ZNF268: variants seen among roughly 807,000 people sequenced by gnomAD.
The protein encoded by ZNF268 is zinc finger protein 3.
Under a neutral mutation model 29.3 loss-of-function variants are expected in ZNF268, and 20 were observed. The ratio of observed to expected loss-of-function variants is 0.68; its 90% confidence interval spans 0.48 to 0.99. ZNF268 has a LOEUF of 0.99. Ranked by LOEUF, ZNF268 falls within the 50% of genes least tolerant of loss-of-function variation. The probability of loss-of-function intolerance (pLI) is 0.00; values close to 1 mark genes in which losing one functional copy is unlikely to be tolerated. For synonymous variants in ZNF268, 429 were observed against 376.9 expected, an observed-to-expected ratio of 1.14 and a Z score of -1.60; for missense variants, 1,240 against 1,121.6, an observed-to-expected ratio of 1.11 and a Z score of -1.51.
intron 5 of ZNF268, 27 bp from the exon 6 acceptor site, chr12:133,202,117 C>T (rs1566379892): frequency 4.6e-6 from 7 of 1,516,866 alleles, no homozygotes; most frequent in Non-Finnish European, 6.2e-6. Context: ...TGATTTATAA[C>T]ATGTGACCAA....
chr12:133,202,549 A>G lies in ZNF268; in HGVS notation c.863A>G (p.Lys288Arg), dbSNP rs1183503323. The G allele has an allele frequency of 5.0e-6, 8 of 1,611,268 alleles. No homozygotes were observed. The highest frequency in any genetic ancestry group is 6.8e-6 in the Non-Finnish European group (8 of 1,178,626). ...TGTTGTGAGAAAGCCTTCAGCAGCA[A>G]GTCATACCTTCTAGTGCATCAGCAA... is the stretch of plus-strand genomic sequence containing the variant. ...CSCCEKAFSS[K>R]SYLLVHQQTH... Residue 288 changes from lysine to arginine, a missense_variant, in exon 6 of 6, where the codon AAG becomes AGG. Around this residue, in one of 3 missense-constraint regions of ZNF268, gnomAD observed 1,177 missense variants for 1,039.6 expected, o/e 1.13. Transcript: ENST00000536435.
chr12:133,192,067 G>A, intron 5 of ZNF268, 64 bp downstream of exon 5: 2 of 1,358,982 alleles, frequency 1.5e-6, no homozygotes, highest in Non-Finnish European at 2.1e-6. Context: ...AATGTGATGT[G>A]CTCCTCTTGT....
chr12:133,204,454 C>A lies in ZNF268; in HGVS notation c.2768C>A (p.Thr923Asn), dbSNP rs754904572. The stretch of plus-strand genomic sequence containing the variant: ...ACAGGAGAGAAGCCTTGTAAGTGCA[C>A]TGAATGTGGGAAAGCCTTTTGTTGG... ...THTGEKPCKCTECGKAFCWKS... is the reference protein window; with the variant it reads ...THTGEKPCKCNECGKAFCWKS... The change falls in exon 6 of 6, where the codon ACT (threonine) becomes AAT (asparagine). Residue 923 changes from threonine (T) to asparagine (N), a missense_variant. By Grantham distance (65) the Thr-to-Asn change is moderately conservative. Transcript: ENST00000536435. 3 of 1,546,792 alleles carry A rather than the reference C, an allele frequency of 1.9e-6. No homozygotes were observed. Among genetic ancestry groups the A allele is most frequent in the Non-Finnish European group, 2.6e-6 (3 of 1,152,726 alleles).
chr12:133,198,192 AT>A (rs1204560449), intron 5 of ZNF268, among the ~76,000 whole-genome samples: 2 of 147,670 alleles, frequency 1.4e-5, no homozygotes, highest in Non-Finnish European at 3.0e-5. Context: ...TCTTTAATCC[AT>A]CTTGAATTGA....
Position 133,202,310 on chromosome 12 carries a change from GA to G in ZNF268, c.625del (p.Ser209ValfsTer2), listed in dbSNP as rs770116693. ...CTCATAAATGTGGCACGCATGGAAA[GA>G]GTTTGAAATATATAGATTTCACTAG... The part of the protein sequence containing the change: ...KPHKCGTHGK[S>X]LKYIDFTSDY... On this transcript the variant is annotated frameshift_variant, in exon 6 of 6. Coordinates refer to ENST00000536435, the MANE Select transcript of ZNF268 (RefSeq NM_003415.3). LOFTEE classifies it low-confidence loss of function (END_TRUNC). The G allele has an allele frequency of 9.3e-6, 15 of 1,612,486 alleles. No homozygotes were observed. Among genetic ancestry groups the G allele is most frequent in the Non-Finnish European group, 1.2e-5 (14 of 1,179,198 alleles).
rs1446673406 is a variant in ZNF268 at position 133,212,043 on chromosome 12, G to C, written c.*7513G>C. 6.6e-6 allele frequency: 1 copy of C among 152,220 alleles called. No homozygotes were observed. The highest frequency in any genetic ancestry group is 1.9e-4 in the East Asian group (1 of 5,194). 9.4% of individuals were successfully genotyped at this position (152,220 alleles called of 1,614,324 possible). On this transcript the variant is annotated 3_prime_UTR_variant, in exon 6 of 6. Transcript: ENST00000536435. The stretch of plus-strand genomic sequence containing the variant: ...CATGCAATGGAGTCCTGTTCAGCAA[G>C]AGCAAGCTCTGAGGCCATGCAGGAC...
intron 5 of ZNF268, among the ~76,000 whole-genome samples, chr12:133,196,429 TG>T (rs1224742949): frequency 1.3e-5 from 2 of 152,130 alleles, no homozygotes; most frequent in Non-Finnish European, 2.9e-5. Context: ...ATCCTGTTTT[TG>T]CCATTATTGT....
At position 133,191,599 on chromosome 12, in the gene ZNF268, C is replaced by A. The variant is rs771307406; in HGVS notation, c.345C>A (p.Ser115Arg). The change falls in exon 4 of 6, where the codon AGC becomes AGA. Residue 115 changes from serine to arginine, a missense_variant. This residue lies in a region of ZNF268 where 1,177 missense variants were observed against 1,039.6 expected (regional missense o/e 1.13). Coordinates refer to ENST00000536435, the MANE Select transcript of ZNF268 (RefSeq NM_003415.3). ...GGAGTGTGATGTTGGAGAACTATAG[C>A]AACCTGGTGTCCCTAGGTAAGTGCT... ...LYRSVMLENY[S>R]NLVSLGYQHT... The A allele has an allele frequency of 6.2e-7, 1 of 1,614,036 alleles. No homozygotes were observed. The highest frequency in any genetic ancestry group is 8.5e-7 in the Non-Finnish European group (1 of 1,179,980).
At position 133,202,586 on chromosome 12, in the gene ZNF268, A is replaced by G. The variant is rs1956780583; in HGVS notation, c.900A>G (p.Glu300=). 3 of 1,607,840 alleles carry G rather than the reference A, an allele frequency of 1.9e-6. No individual in the cohort carries two copies. The African/African-American group carries it at 4.0e-5, about 21-fold the overall frequency. Residue 300 remains glutamate, a synonymous_variant, in exon 6 of 6, where the codon GAA becomes GAG. Transcript: ENST00000536435. ...TAGTGCATCAGCAAACTCATGCCGA[A>G]GAGAAACCCTATGGTTGTAATGAAT... ...YLLVHQQTHA[E]EKPYGCNECG...
intron 5 of ZNF268, among the ~76,000 whole-genome samples, chr12:133,195,457 C>T (rs532917614): frequency 2.6e-5 from 4 of 152,316 alleles, no homozygotes; most frequent in African/African-American, 9.6e-5. Flanking sequence ...GTGATCCCAG[C>T]AGTTTGGGAG....
chr12:133,187,344 C>T (rs1432252370), intron 2 of ZNF268, among the ~76,000 whole-genome samples: 3 of 151,974 alleles, frequency 2.0e-5, no homozygotes, highest in African/African-American at 7.2e-5. Flanking sequence ...TTCTAAGCAT[C>T]TACTTTCTAG....
intron 2 of ZNF268, among the ~76,000 whole-genome samples, chr12:133,183,126 A>T (rs2135479696): frequency 6.6e-6 from 1 of 152,330 alleles, no homozygotes; most frequent in Admixed American, 6.5e-5. Context: ...GATGATCTGA[A>T]GTGGAACAGT....
At chr12:133,191,649 G>T in intron 4 of ZNF268, 34 bp downstream of exon 4, 1 of 1,608,214 alleles carries the variant, frequency 6.2e-7, no homozygotes, top group Non-Finnish European at 8.5e-7. Context: ...GAGTGTGCTC[G>T]ATCTCCAGGC....
Position 133,206,751 on chromosome 12 carries a change from A to G in ZNF268, c.*2221A>G, listed in dbSNP as rs1956905377. 6.6e-6 allele frequency: 1 copy of G among 152,228 alleles called. No homozygotes were observed. Among genetic ancestry groups the G allele is most frequent in the African/African-American group, 2.4e-5 (1 of 41,452 alleles). 9.4% of individuals were successfully genotyped at this position (152,228 alleles called of 1,614,324 possible). On this transcript the variant is annotated 3_prime_UTR_variant, in exon 6 of 6. Coordinates refer to ENST00000536435, the MANE Select transcript of ZNF268 (RefSeq NM_003415.3). ...TCTGCTTATACAGAATCCAATCTCA[A>G]GATACTTGGGGTGAAGAATGATGAT...
chr12:133,203,363 T>C lies in ZNF268; in HGVS notation c.1677T>C (p.His559=), dbSNP rs369440585. The C allele has an allele frequency of 6.5e-7, 1 of 1,548,680 alleles. No individual in the cohort carries two copies. The highest frequency in any genetic ancestry group is 8.7e-7 in the Non-Finnish European group (1 of 1,151,330). Reference sequence around the variant, plus strand: ...CAGGAGAGAACCCCTATGAATGCCATGAATGTGGGAAAGCCTTCAGTCGGA... The same window carrying C: ...CAGGAGAGAACCCCTATGAATGCCACGAATGTGGGAAAGCCTTCAGTCGGA... ...IHTGENPYEC[H]ECGKAFSRKY... is the part of the protein sequence containing the mutation. The change falls in exon 6 of 6, where the codon CAT becomes CAC. Residue 559 remains histidine (H), a synonymous_variant. Coordinates refer to ENST00000536435, the MANE Select transcript of ZNF268 (RefSeq NM_003415.3).
rs1471844103 is a variant in ZNF268 at position 133,209,101 on chromosome 12, GC to G, written c.*4574del. 2 of 151,962 alleles carry G rather than the reference GC, an allele frequency of 1.3e-5. No homozygotes were observed. The highest frequency in any genetic ancestry group is 6.6e-5 in the Admixed American group (1 of 15,240). The allele number at this position is 151,962 out of a possible 1,614,324, so 9.4% of individuals were successfully genotyped here. A position where few individuals can be genotyped will look rare whatever the true frequency, so the allele number is the denominator to read the frequency against. The stretch of plus-strand genomic sequence containing the variant: ...TGGAATTACAGGCACACGCCACCAC[GC>G]CCAGCTAATTTTTGTGTTTTTAGTA... On this transcript the variant is annotated 3_prime_UTR_variant, in exon 6 of 6. Transcript: ENST00000536435.
At chr12:133,185,700 G>A (rs1468982676) in intron 2 of ZNF268, among the ~76,000 whole-genome samples, 1 of 152,060 alleles carries the variant, frequency 6.6e-6, no homozygotes, top group African/African-American at 2.4e-5. Flanking sequence ...AGTGCTGAGT[G>A]GGGGACAGGT....
chr12:133,189,550 G>A (rs1200871003), intron 3 of ZNF268, among the ~76,000 whole-genome samples: 1 of 152,070 alleles, frequency 6.6e-6, no homozygotes, highest in Non-Finnish European at 1.5e-5. Flanking sequence ...ATTTATTGCT[G>A]TTATATAGGC....
rs755718437 is a variant in ZNF268 at position 133,202,222 on chromosome 12, T to C, written c.536T>C (p.Phe179Ser). Residue 179 changes from phenylalanine to serine, a missense_variant, in exon 6 of 6, where the codon TTT (phenylalanine) becomes TCT (serine). Physicochemically the swap from Phe to Ser is radical, Grantham distance 155. Coordinates refer to ENST00000536435, the MANE Select transcript of ZNF268 (RefSeq NM_003415.3). ...KDKLGSTAKS[F>S]ECTTFGKLCL... ...AAGCTGGGAAGTACGGCAAAAAGCT[T>C]TGAATGCACTACATTTGGAAAACTA... is the stretch of plus-strand genomic sequence containing the variant. 1 of 1,610,714 alleles carries C rather than the reference T, an allele frequency of 6.2e-7. No individual in the cohort carries two copies. The highest frequency in any genetic ancestry group is 1.1e-5 in the South Asian group (1 of 90,320).
Sources: gnomAD v4.1 joint callset for allele counts (sites outside exome capture counted in the v4.1 genomes callset) on GRCh38, gnomAD v4.1.1 for gene constraint, gnomAD v4.1.1 regional missense constraint, MANE v1.5 for transcripts, NCBI Gene and HGNC (gene_info 2026-07-23, HGNC 2026-07-21) for gene names.